The following ANK3 variants were observed in gnomAD, a reference collection of about 807,000 sequenced individuals.
ANK3 encodes the protein ankyrin 3.
ANK3 carries 57 observed loss-of-function variants against 370.9 expected under a neutral mutation model. That is an observed-to-expected ratio of 0.15 (90% CI 0.12 to 0.19). The LOEUF is 0.19. Ranked by LOEUF, ANK3 falls within the 10% of genes least tolerant of loss-of-function variation. ANK3 has a pLI of 1.00. For synonymous variants in ANK3, 1,929 were observed against 1,946.3 expected (o/e 0.99, Z 0.23); for missense variants, 4,439 against 5,302.1 (o/e 0.84, Z 5.06).
intron 25 of ANK3, among the ~76,000 whole-genome samples, chr10:60,116,593 T>TAA (rs56117415): frequency 3.1e-4 from 46 of 148,974 alleles, no homozygotes; most frequent in East Asian, 7.8e-4. Flanking sequence ...GACTACTTAT[T>TAA]AAAAAAAAAA....
chr10:60,492,540 A>C (rs1403143608), intron 2 of ANK3, among the ~76,000 whole-genome samples: 2 of 150,094 alleles, frequency 1.3e-5, no homozygotes, highest in African/African-American at 2.5e-5. Context: ...ACCCCATCTT[A>C]ACCAAAAATA....
At chr10:60,053,865 A>G in intron 42 of ANK3, 1 of 515,402 alleles carries the variant, frequency 1.9e-6, no homozygotes, top group African/African-American at 2.0e-5. Context: ...GGTCAGGTTC[A>G]TGTCTCCTAG....
intron 25 of ANK3, among the ~76,000 whole-genome samples, chr10:60,121,985 A>C (rs1005746621): frequency 6.6e-6 from 1 of 152,234 alleles, no homozygotes; most frequent in Non-Finnish European, 1.5e-5. Flanking sequence ...ATGATGGTTA[A>C]AGATGAACTA....
intron 1 of ANK3, among the ~76,000 whole-genome samples, chr10:60,326,975 G>C (rs960251732): frequency 2.9e-4 from 43 of 150,342 alleles, no homozygotes; most frequent in African/African-American, 1.0e-3. Context: ...AGCGGAAATG[G>C]TGCCACTGCA....
At chr10:60,714,207 T>C (rs143509452) in intron 1 of ANK3, among the ~76,000 whole-genome samples, 1 of 152,288 alleles carries the variant, frequency 6.6e-6, no homozygotes, top group Non-Finnish European at 1.5e-5. Flanking sequence ...GAGAAACAGG[T>C]AATCTGAATA....
intron 2 of ANK3, among the ~76,000 whole-genome samples, chr10:60,472,581 G>C (rs1220766382): frequency 6.6e-6 from 1 of 152,156 alleles, no homozygotes; most frequent in Non-Finnish European, 1.5e-5. Flanking sequence ...CTATTTCAGA[G>C]AGTGAGATAT....
At chr10:60,184,426 C>A (rs896588831) in intron 17 of ANK3, among the ~76,000 whole-genome samples, 2 of 152,152 alleles carry the variant, frequency 1.3e-5, no homozygotes, top group Non-Finnish European at 2.9e-5. Flanking sequence ...TTTACAAATG[C>A]CTTCTTATTA....
At chr10:60,545,471 A>C (rs1567134347) in intron 2 of ANK3, among the ~76,000 whole-genome samples, 3 of 152,046 alleles carry the variant, frequency 2.0e-5, no homozygotes, top group South Asian at 2.1e-4. Flanking sequence ...CAAATACTTC[A>C]TAGAGTTTCT....
intron 1 of ANK3, among the ~76,000 whole-genome samples, chr10:60,662,896 T>G (rs1240981497): frequency 6.6e-6 from 1 of 152,178 alleles, no homozygotes; most frequent in African/African-American, 2.4e-5. Context: ...ACTTTATGTT[T>G]TATTCATTTG....
intron 2 of ANK3, among the ~76,000 whole-genome samples, chr10:60,409,341 C>T (rs1311809849): frequency 3.3e-5 from 5 of 152,108 alleles, no homozygotes; most frequent in Non-Finnish European, 7.3e-5. Flanking sequence ...GAATTGGTCT[C>T]CATTCTGAAA....
chr10:60,643,508 C>CTATT lies in ANK3; in HGVS notation c.58-28285_58-28284insAATA, dbSNP rs1289554981. ...TTAATAAACTCCCCTTTATATCTAT[C>CTATT]TATCTATCTATCTATCTATCTATCT... On this transcript the variant is annotated intron_variant, in intron 1 of 43. Coordinates refer to the ANK3 transcript ENST00000373827. Among the ~76,000 whole-genome samples, 3 of 66,512 alleles carry CTATT rather than the reference C, an allele frequency of 4.5e-5. No homozygotes were observed. In the East Asian group the frequency reaches 8.7e-4, roughly 19 times the overall value. 43.6% of individuals were successfully genotyped at this position (66,512 alleles called of 152,430 possible).
chr10:60,402,137 A>T (rs919734879), intron 2 of ANK3, among the ~76,000 whole-genome samples: 1 of 152,194 alleles, frequency 6.6e-6, no homozygotes, highest in Non-Finnish European at 1.5e-5. Context: ...CCAAAGTCAA[A>T]ATATTCACGA....
chr10:60,674,082 C>T (rs1006094654), intron 1 of ANK3, among the ~76,000 whole-genome samples: 2 of 152,006 alleles, frequency 1.3e-5, no homozygotes, highest in African/African-American at 4.8e-5. Context: ...AAAGTCCATA[C>T]ATCCATTCTC....
In ANK3 at chr10:60,618,984, A is replaced by C. The variant is rs559506061; in HGVS notation, c.58-3760T>G. On this transcript the variant is annotated intron_variant, in intron 1 of 43. Transcript: ENST00000373827. Reference sequence around the variant, plus strand: ...AATGTCCAGTATTAGAAAGCTTCATAATCAAAGTTGACCCTATAGTGGTTC... The same window carrying C: ...AATGTCCAGTATTAGAAAGCTTCATCATCAAAGTTGACCCTATAGTGGTTC... 3.3e-4 allele frequency among the ~76,000 whole-genome samples: 50 copies of C among 152,230 alleles called. No homozygotes were observed. The South Asian group carries it at 0.01, about 31-fold the overall frequency.
upstream of ANK3, among the ~76,000 whole-genome samples, chr10:60,391,187 C>T (rs1272624742): frequency 6.6e-6 from 1 of 152,230 alleles, no homozygotes; most frequent in Non-Finnish European, 1.5e-5. Flanking sequence ...GCGCACTTCT[C>T]TGAGGCCTCA....
At chr10:60,182,232 A>G (rs1412478240) in intron 17 of ANK3, among the ~76,000 whole-genome samples, 4 of 152,204 alleles carry the variant, frequency 2.6e-5, no homozygotes, top group Non-Finnish European at 5.9e-5. Flanking sequence ...AGGTCTAATG[A>G]ATATTTTCTG....
At chr10:60,257,855 A>C (rs1478850273) in intron 7 of ANK3, among the ~76,000 whole-genome samples, 1 of 152,228 alleles carries the variant, frequency 6.6e-6, no homozygotes, top group African/African-American at 2.4e-5. Flanking sequence ...AGAAAGTGCT[A>C]AATGGCAAGA....
At chr10:60,691,281 C>A (rs1009804648) in intron 1 of ANK3, among the ~76,000 whole-genome samples, 1 of 151,948 alleles carries the variant, frequency 6.6e-6, no homozygotes, top group African/African-American at 2.4e-5. Flanking sequence ...CAAACATGTA[C>A]CCCCGAATCT....
At chr10:60,707,403 AG>A (rs1589057040) in intron 1 of ANK3, among the ~76,000 whole-genome samples, 1 of 152,156 alleles carries the variant, frequency 6.6e-6, no homozygotes, top group East Asian at 1.9e-4. Flanking sequence ...AGTGTGGAGC[AG>A]GTATGTAAAA....
Sources: gnomAD v4.1 joint callset for allele counts (sites outside exome capture counted in the v4.1 genomes callset) on GRCh38, gnomAD v4.1.1 for gene constraint, MANE v1.5 for transcripts, NCBI Gene and HGNC (gene_info 2026-07-23, HGNC 2026-07-21) for gene names.